Variants in FRMPD2 observed in about 807,000 individuals in gnomAD.
The protein encoded by FRMPD2 is FERM and PDZ domain-containing protein 2.
In FRMPD2, 96 loss-of-function variants were observed where a neutral mutation model predicts 140.1. The ratio of observed to expected loss-of-function variants is 0.69; its 90% CI spans 0.58 to 0.81. The LOEUF is 0.81. Ranked by LOEUF, FRMPD2 falls within the 40% of genes least tolerant of loss-of-function variation. The pLI is 0.00. For synonymous variants in FRMPD2, 449 were observed against 547.6 expected (o/e 0.82, Z 2.52); for missense variants, 1,240 against 1,447.4 (o/e 0.86, Z 2.32).
rs774275444 is a variant in FRMPD2, at chr10:48,238,028, G to A, written c.884C>T (p.Thr295Ile). Residue 295 changes from threonine (T) to isoleucine (I), a missense_variant, in exon 8 of 29, where the codon ACT (threonine) becomes ATT (isoleucine). Physicochemically the swap from Thr to Ile is moderately conservative, Grantham distance 89. Around this residue, in one of 6 missense-constraint regions of FRMPD2, gnomAD observed 1,161 missense variants for 1,055.9 expected, o/e 1.10. Coordinates refer to ENST00000374201, the MANE Select transcript of FRMPD2 (RefSeq NM_001018071.4). ...TTGCAGAAAACCCCTCTGAGAAGGAGTTGTTGGCCATGAGCTGTCTGCTGC... is the reference window on the plus strand; with the variant it reads ...TTGCAGAAAACCCCTCTGAGAAGGAATTGTTGGCCATGAGCTGTCTGCTGC... ...HSAADSSWPT[T>I]PSQRGFLQRR... is the part of the protein sequence containing the mutation. 1.3e-5 allele frequency: 21 copies of A among 1,614,180 alleles called. No individual in the cohort carries two copies. The highest frequency in any genetic ancestry group is 3.3e-5 in the Admixed American group (2 of 60,024).
Position 48,206,896 on chromosome 10 carries a change from T to C in FRMPD2, c.1649A>G (p.His550Arg). The change falls in exon 14 of 29, where the codon CAC becomes CGC. Residue 550 changes from histidine (H) to arginine (R), a missense_variant. Coordinates refer to ENST00000374201, the MANE Select transcript of FRMPD2 (RefSeq NM_001018071.4). ...QQLPEYGVLV[H>R]QVFSEKRRPE... ...CCTCCTCTTCTCTGAGAATACTTGG[T>C]GAACCAGCACACCGTATTCTGGGAG... is the stretch of plus-strand genomic sequence containing the variant. 6.2e-7 allele frequency: 1 copy of C among 1,614,028 alleles called. No individual in the cohort carries two copies. The highest frequency in any genetic ancestry group is 8.5e-7 in the Non-Finnish European group (1 of 1,179,924).
rs1006615300 is a variant in FRMPD2 at position 48,235,037 on chromosome 10, G to A, written c.993+1445C>T. The stretch of plus-strand genomic sequence containing the variant: ...CCTTCTTCCCCTCAGCTGAGGGCAG[G>A]TGGCTTGAAGGGGATGGGCAGAGGT... On this transcript the variant is annotated intron_variant, in intron 9 of 28. Transcript: ENST00000374201. Among the ~76,000 whole-genome samples the A allele has an allele frequency of 2.6e-5, 4 of 152,120 alleles. No individual in the cohort carries two copies. The East Asian group carries it at 7.7e-4, about 29-fold the overall frequency.
chr10:48,222,463 G>T lies in FRMPD2; in HGVS notation c.1317-12C>A. 6.2e-7 allele frequency: 1 copy of T among 1,613,482 alleles called. No homozygotes were observed. The highest frequency in any genetic ancestry group is 8.5e-7 in the Non-Finnish European group (1 of 1,179,698). The stretch of plus-strand genomic sequence containing the variant: ...TTGTCAGGCTGTGCCTGGAAAAGAA[G>T]TAGCAATAAAAAGGGCTGGGTTGCT... On this transcript the variant is annotated splice_polypyrimidine_tract_variant and intron_variant, in intron 11 of 28. Transcript: ENST00000374201.
chr10:48,238,915 A>G (rs746352381), intron 7 of FRMPD2, among the ~76,000 whole-genome samples: 1 of 152,236 alleles, frequency 6.6e-6, no homozygotes, highest in Non-Finnish European at 1.5e-5. Context: ...GATATGGCCA[A>G]CAGAATGAAG....
intron 16 of FRMPD2, among the ~76,000 whole-genome samples, chr10:48,188,511 GCA>G (rs1028204218): frequency 6.6e-6 from 1 of 152,238 alleles, no homozygotes; most frequent in Non-Finnish European, 1.5e-5. Context: ...GAGCTCCAAG[GCA>G]CTGAGGGTAA....
intron 16 of FRMPD2, among the ~76,000 whole-genome samples, chr10:48,189,141 A>T (rs1838767977): frequency 6.6e-6 from 1 of 152,186 alleles, no homozygotes; most frequent in African/African-American, 2.4e-5. Context: ...AAAAAAATCC[A>T]TTTACTGAAA....
At chr10:48,189,019 G>C (rs1838763983) in intron 16 of FRMPD2, among the ~76,000 whole-genome samples, 1 of 152,156 alleles carries the variant, frequency 6.6e-6, no homozygotes, top group African/African-American at 2.4e-5. Flanking sequence ...CGTGATGGTA[G>C]CACAACATCA....
At chr10:48,212,157 G>A (rs1378607310) in intron 12 of FRMPD2, 48 bp from the exon 13 acceptor site, 1 of 1,586,796 alleles carries the variant, frequency 6.3e-7, no homozygotes. Flanking sequence ...ACACTGGCCG[G>A]GGGACTCTGA....
Position 48,232,520 on chromosome 10 carries a change from T to C in FRMPD2, c.994-231A>G, listed in dbSNP as rs548308837. On this transcript the variant is annotated intron_variant, in intron 9 of 28. Coordinates refer to ENST00000374201, the MANE Select transcript of FRMPD2 (RefSeq NM_001018071.4). ...GTAAGGCAGGAACTGGACTCAAATCTGAGCCTTCTGCCAGGCTCAGCAGGG... is the reference window on the plus strand; with the variant it reads ...GTAAGGCAGGAACTGGACTCAAATCCGAGCCTTCTGCCAGGCTCAGCAGGG... Among the ~76,000 whole-genome samples the C allele has an allele frequency of 1.7e-3, 253 of 152,334 alleles. 2 individuals carry two copies. The highest frequency in any genetic ancestry group is 3.0e-3 in the Non-Finnish European group (205 of 68,028).
intron 14 of FRMPD2, among the ~76,000 whole-genome samples, chr10:48,205,915 C>T (rs1207859336): frequency 6.6e-6 from 1 of 152,156 alleles, no homozygotes; most frequent in East Asian, 1.9e-4. Context: ...GAAACTCTAA[C>T]ATCAGATAAT....
chr10:48,164,599 T>C lies in FRMPD2; in HGVS notation c.3538-928A>G, dbSNP rs535590358. Among the ~76,000 whole-genome samples, 899 of 149,692 alleles carry C rather than the reference T, an allele frequency of 6.0e-3. 38 individuals carry two copies. Among genetic ancestry groups the C allele is most frequent in the African/African-American group, 0.021 (822 of 39,992 alleles). ...ATTTCTGATTGTACATCCCTAACAA[T>C]GAGAGGGATACACCTCCAAATGTGC... is the stretch of plus-strand genomic sequence containing the variant. On this transcript the variant is annotated intron_variant, in intron 27 of 28. Transcript: ENST00000374201.
intron 10 of FRMPD2, among the ~76,000 whole-genome samples, chr10:48,230,375 T>G (rs1839823296): frequency 6.6e-6 from 1 of 152,236 alleles, no homozygotes; most frequent in Non-Finnish European, 1.5e-5. Context: ...TTGGATGTCA[T>G]ATTTGAAAAT....
chr10:48,241,842 T>C (rs1294283495), intron 5 of FRMPD2, among the ~76,000 whole-genome samples: 1 of 152,210 alleles, frequency 6.6e-6, no homozygotes, highest in Non-Finnish European at 1.5e-5. Context: ...AATCATGGGT[T>C]CTAAACATTA....
chr10:48,198,808 G>A (rs1396558826), intron 15 of FRMPD2, among the ~76,000 whole-genome samples: 2 of 152,178 alleles, frequency 1.3e-5, no homozygotes, highest in African/African-American at 4.8e-5. Context: ...CTGATTAGCT[G>A]TATTCCTGGG....
At chr10:48,185,474 T>G (rs1272535173) in intron 18 of FRMPD2, 79 bp downstream of exon 18, 29 of 965,062 alleles carry the variant, frequency 3.0e-5, no homozygotes, top group Admixed American at 6.8e-5. Flanking sequence ...AGTAGGCAAG[T>G]TGAAAGGGAA....
intron 13 of FRMPD2, 47 bp from the exon 14 acceptor site, chr10:48,206,980 A>G (rs767315187): frequency 1.3e-6 from 2 of 1,571,086 alleles, no homozygotes; most frequent in African/African-American, 2.7e-5. Context: ...ACATGGTTTA[A>G]AATAATGGGC....
chr10:48,218,676 ACTCT>A (rs766554533), intron 12 of FRMPD2, among the ~76,000 whole-genome samples: 1 of 151,986 alleles, frequency 6.6e-6, no homozygotes, highest in Non-Finnish European at 1.5e-5. Context: ...CAAGGGAGAG[ACTCT>A]CTCTCTTGCA....
intron 3 of FRMPD2, among the ~76,000 whole-genome samples, chr10:48,246,197 A>AC (rs1840245273): frequency 6.6e-6 from 1 of 152,092 alleles, no homozygotes; most frequent in Non-Finnish European, 1.5e-5. Context: ...AGTGACTGCC[A>AC]CCCGCAAGGC....
upstream of FRMPD2, chr10:48,274,848 C>T (rs1025617430): frequency 1.3e-5 from 6 of 452,880 alleles, no homozygotes; most frequent in Admixed American, 3.9e-5. Flanking sequence ...GCCAGTGACC[C>T]GTGAGAGAGC....
Sources: gnomAD v4.1 joint callset for allele counts (sites outside exome capture counted in the v4.1 genomes callset) on GRCh38, gnomAD v4.1.1 for gene constraint, gnomAD v4.1.1 regional missense constraint, MANE v1.5 for transcripts, NCBI Gene and HGNC (gene_info 2026-07-23, HGNC 2026-07-21) for gene names.